The following HHAT variants were observed in gnomAD, a reference collection of about 807,000 sequenced individuals.
HHAT encodes hedgehog acyltransferase, also known as protein-cysteine N-palmitoyltransferase HHAT.
A neutral mutation model predicts 70.8 loss-of-function variants in HHAT; 47 were observed. The ratio of observed to expected loss-of-function variants is 0.66; its 90% CI spans 0.53 to 0.85. HHAT has a LOEUF of 0.85. HHAT is among the 40% of genes least tolerant of loss of function. The probability of loss-of-function intolerance (pLI) is 0.00; values close to 1 mark genes in which losing one functional copy is unlikely to be tolerated. For synonymous variants in HHAT, 228 were observed against 247.6 expected (o/e 0.92, Z 0.74); for missense variants, 609 against 604.8 (o/e 1.01, Z -0.07).
At chr1:210,674,199 C>T in intron 11 of HHAT, 89 bp from the exon 12 acceptor site, 2 of 1,064,030 alleles carry the variant, frequency 1.9e-6, no homozygotes, top group South Asian at 1.3e-5. Context: ...TGTCAGGTTG[C>T]CTTCTCCAAA....
At chr1:210,581,124 C>A (rs1659177488) in intron 9 of HHAT, among the ~76,000 whole-genome samples, 1 of 152,168 alleles carries the variant, frequency 6.6e-6, no homozygotes, top group Non-Finnish European at 1.5e-5. Context: ...TAAATGTCTT[C>A]TTTTGAGAAG....
intron 10 of HHAT, among the ~76,000 whole-genome samples, chr1:210,591,886 T>A (rs1661798843): frequency 1.3e-5 from 2 of 152,156 alleles, no homozygotes; most frequent in African/African-American, 4.8e-5. Flanking sequence ...TTATTAGGTT[T>A]TTTCCCCGTA....
intron 7 of HHAT, among the ~76,000 whole-genome samples, chr1:210,448,627 T>G (rs2093684419): frequency 6.6e-6 from 1 of 152,012 alleles, no homozygotes; most frequent in African/African-American, 2.4e-5. Flanking sequence ...AGAGAGAGAG[T>G]CTACCAAAGT....
intron 8 of HHAT, among the ~76,000 whole-genome samples, chr1:210,496,026 A>AG (rs1472114792): frequency 2.6e-4 from 38 of 146,806 alleles, no homozygotes; most frequent in African/African-American, 8.6e-4. Context: ...AAAAAAAAAA[A>AG]AAAAGAAAAA....
chr1:210,464,530 C>T lies in HHAT; in HGVS notation c.882C>T (p.Leu294=), dbSNP rs763324460. The change falls in exon 8 of 12, where the codon CTC becomes CTT. Residue 294 remains leucine, a synonymous_variant. Coordinates refer to ENST00000261458, the MANE Select transcript of HHAT (RefSeq NM_018194.6). ...TLGGLALAQV[L]FFYVKYLVLF... ...GAGGACTGGCGTTAGCCCAGGTGCT[C>T]TTTTTCTACGTGAAGTACTTGGTGC... 1 of 1,614,168 alleles carries T rather than the reference C, an allele frequency of 6.2e-7. No homozygotes were observed. The highest frequency in any genetic ancestry group is 1.1e-5 in the South Asian group (1 of 91,084).
intron 11 of HHAT, among the ~76,000 whole-genome samples, chr1:210,631,891 G>A (rs1670931030): frequency 6.6e-6 from 1 of 152,134 alleles, no homozygotes; most frequent in Non-Finnish European, 1.5e-5. Flanking sequence ...TGGGAGTGAA[G>A]ACTATACAAA....
intron 8 of HHAT, among the ~76,000 whole-genome samples, chr1:210,503,776 G>A (rs2148553849): frequency 6.6e-6 from 1 of 150,604 alleles, no homozygotes; most frequent in Non-Finnish European, 1.5e-5. Flanking sequence ...AGTTGCCGGT[G>A]ACCTTTCATT....
rs184082949 is a variant in HHAT at position 210,546,319 on chromosome 1, G to A, written c.1043+33131G>A. On this transcript the variant is annotated intron_variant, in intron 9 of 11. Transcript: ENST00000261458. Reference sequence around the variant, plus strand: ...AAAGTGATGGGAAAATACAGAAGCAGGACCATCCACTTGGCCTGAGGAAGC... The same window carrying A: ...AAAGTGATGGGAAAATACAGAAGCAAGACCATCCACTTGGCCTGAGGAAGC... 1.4e-3 allele frequency among the ~76,000 whole-genome samples: 206 copies of A among 152,366 alleles called. 1 individual carries two copies. The highest frequency in any genetic ancestry group is 3.1e-4 in the Non-Finnish European group (21 of 68,036).
At chr1:210,626,615 T>G (rs539584744) in intron 11 of HHAT, among the ~76,000 whole-genome samples, 276 of 152,258 alleles carry the variant, frequency 1.8e-3, no homozygotes, top group Non-Finnish European at 3.3e-3. Flanking sequence ...CCTGAAGGAT[T>G]GGGTTTAGAT....
intron 7 of HHAT, among the ~76,000 whole-genome samples, chr1:210,444,995 A>T (rs934513459): frequency 2.0e-5 from 3 of 152,054 alleles, no homozygotes; most frequent in African/African-American, 7.2e-5. Context: ...ATGCACCATC[A>T]CACCCAGCTA....
intron 9 of HHAT, among the ~76,000 whole-genome samples, chr1:210,553,800 C>G (rs1254366722): frequency 6.6e-6 from 1 of 152,222 alleles, no homozygotes; most frequent in South Asian, 2.1e-4. Context: ...CTCCCTCTCT[C>G]CCTCTTCCCA....
At chr1:210,525,159 C>G (rs1573028496) in intron 9 of HHAT, among the ~76,000 whole-genome samples, 1 of 152,032 alleles carries the variant, frequency 6.6e-6, no homozygotes, top group Admixed American at 6.5e-5. Context: ...TCTCTGAAGG[C>G]CTAGTTCTTA....
intron 11 of HHAT, among the ~76,000 whole-genome samples, chr1:210,629,059 G>A (rs543630329): frequency 5.3e-5 from 8 of 152,278 alleles, no homozygotes; most frequent in Non-Finnish European, 1.2e-4. Context: ...AAGAGTTTGA[G>A]AAGCAGGTGC....
At chr1:210,555,356 A>C (rs1163797889) in intron 9 of HHAT, among the ~76,000 whole-genome samples, 1 of 152,186 alleles carries the variant, frequency 6.6e-6, no homozygotes, top group Non-Finnish European at 1.5e-5. Flanking sequence ...CCTTCTCTGC[A>C]AGCTGAGAGA....
chr1:210,546,270 G>C (rs1175224342), intron 9 of HHAT, among the ~76,000 whole-genome samples: 1 of 152,214 alleles, frequency 6.6e-6, no homozygotes, highest in Non-Finnish European at 1.5e-5. Context: ...TGATGTATTT[G>C]AATGCCATAC....
At chr1:210,405,626 A>AG (rs1242302016) in intron 6 of HHAT, among the ~76,000 whole-genome samples, 2 of 152,308 alleles carry the variant, frequency 1.3e-5, no homozygotes, top group East Asian at 3.9e-4. Context: ...TCCCTGAAAA[A>AG]GGAGGGTTCT....
rs1464223406 is a variant in HHAT at position 210,445,973 on chromosome 1, C to CATTAACTCA, written c.857-18531_857-18523dup. 3.3e-5 allele frequency among the ~76,000 whole-genome samples: 5 copies of CATTAACTCA among 152,218 alleles called. No homozygotes were observed. The East Asian group carries it at 7.7e-4, about 24-fold the overall frequency. On this transcript the variant is annotated intron_variant, in intron 7 of 11. Coordinates refer to ENST00000261458, the MANE Select transcript of HHAT (RefSeq NM_018194.6). ...ATGTGCCATGTTGGTGTGCTGCATC[C>CATTAACTCA]ATTAACTCATCATTTAACATTAGAT...
chr1:210,449,214 C>G (rs1356583262), intron 7 of HHAT, among the ~76,000 whole-genome samples: 1 of 152,046 alleles, frequency 6.6e-6, no homozygotes, highest in Non-Finnish European at 1.5e-5. Flanking sequence ...CCATGCTGTT[C>G]TGTCTTCTCT....
chr1:210,377,556 C>T (rs1169685486), intron 3 of HHAT, among the ~76,000 whole-genome samples: 4 of 152,144 alleles, frequency 2.6e-5, no homozygotes, highest in African/African-American at 9.7e-5. Flanking sequence ...GTCTTGCTCT[C>T]CTGCATAATC....
Sources: allele counts gnomAD v4.1 joint callset (sites outside exome capture counted in the v4.1 genomes callset), GRCh38; gene constraint gnomAD v4.1.1; transcripts MANE v1.5; gene names NCBI Gene and HGNC (gene_info 2026-07-23, HGNC 2026-07-21).